DOK6: variants seen among roughly 807,000 people sequenced by gnomAD.
The protein encoded by DOK6 is docking protein 6, also known as downstream of tyrosine kinase 6.
In DOK6, 22 loss-of-function variants were observed where a neutral mutation model predicts 44.0. The observed-to-expected ratio is 0.50, with a 90% CI of 0.36 to 0.71. DOK6 has a LOEUF of 0.71. Ranked by LOEUF, DOK6 falls within the 30% of genes least tolerant of loss-of-function variation. The pLI, the probability that DOK6 is intolerant of heterozygous loss-of-function variation, is 0.00. For synonymous variants in DOK6, 166 were observed against 145.5 expected, an observed-to-expected ratio of 1.14 and a Z score of -1.01; for missense variants, 340 against 416.4, an observed-to-expected ratio of 0.82 and a Z score of 1.60.
intron 3 of DOK6, among the ~76,000 whole-genome samples, chr18:69,644,663 G>A (rs975594512): frequency 6.6e-6 from 1 of 152,158 alleles, no homozygotes; most frequent in Non-Finnish European, 1.5e-5. Context: ...CAGCTAAATT[G>A]TGAGTCTTTT....
chr18:69,404,629 A>G (rs1916164514), intron 1 of DOK6, among the ~76,000 whole-genome samples: 1 of 152,138 alleles, frequency 6.6e-6, no homozygotes, highest in Non-Finnish European at 1.5e-5. Flanking sequence ...TTTTTTTTCA[A>G]GGAATTCATT....
At chr18:69,795,159 T>C (rs1980708418) in intron 7 of DOK6, among the ~76,000 whole-genome samples, 1 of 152,108 alleles carries the variant, frequency 6.6e-6, no homozygotes, top group South Asian at 2.1e-4. Flanking sequence ...ATAGTTTCAT[T>C]TACAATAACT....
intron 1 of DOK6, among the ~76,000 whole-genome samples, chr18:69,436,618 A>G (rs1027698972): frequency 6.6e-6 from 1 of 152,168 alleles, no homozygotes; most frequent in Non-Finnish European, 1.5e-5. Flanking sequence ...TGCAATAAAC[A>G]TATGTATGCA....
chr18:69,463,876 G>A (rs1273558024), intron 1 of DOK6, among the ~76,000 whole-genome samples: 1 of 151,986 alleles, frequency 6.6e-6, no homozygotes, highest in South Asian at 2.1e-4. Flanking sequence ...TGTCTGTCAG[G>A]CTAATGCTTA....
intron 1 of DOK6, among the ~76,000 whole-genome samples, chr18:69,436,022 T>C (rs1978966438): frequency 6.6e-6 from 1 of 152,178 alleles, no homozygotes; most frequent in Non-Finnish European, 1.5e-5. Flanking sequence ...CTGAAGGTTT[T>C]TAATATTTAT....
intron 1 of DOK6, among the ~76,000 whole-genome samples, chr18:69,495,509 A>C (rs576263535): frequency 6.6e-6 from 1 of 152,242 alleles, no homozygotes; most frequent in African/African-American, 2.4e-5. Flanking sequence ...GTGGCTGCTC[A>C]GCTCTGGCTG....
At chr18:69,459,727 A>C (rs1296975844) in intron 1 of DOK6, among the ~76,000 whole-genome samples, 1 of 152,220 alleles carries the variant, frequency 6.6e-6, no homozygotes, top group Non-Finnish European at 1.5e-5. Context: ...ATAATATTTC[A>C]TAATTCTCAT....
At chr18:69,481,567 G>T (rs1980422713) in intron 1 of DOK6, among the ~76,000 whole-genome samples, 1 of 152,050 alleles carries the variant, frequency 6.6e-6, no homozygotes, top group African/African-American at 2.4e-5. Context: ...CTTTTTTATG[G>T]CTGCATAGTA....
chr18:69,439,444 T>C (rs1979076667), intron 1 of DOK6, among the ~76,000 whole-genome samples: 1 of 152,236 alleles, frequency 6.6e-6, no homozygotes, highest in Non-Finnish European at 1.5e-5. Context: ...GATATGAAAG[T>C]CCTGAATGGC....
At chr18:69,773,950 A>T (rs1477797446) in intron 7 of DOK6, among the ~76,000 whole-genome samples, 1 of 151,236 alleles carries the variant, frequency 6.6e-6, no homozygotes, top group Non-Finnish European at 1.5e-5. Context: ...ATACAAAAAA[A>T]AGATACTTGC....
rs548625524 is a variant in DOK6 at position 69,635,660 on chromosome 18, A to G, written c.289+36162A>G. ...ACTCTAGGCATGTGGTAGCATCACA[A>G]TTACCAACACTTCCTCTTGTGGTTA... On this transcript the variant is annotated intron_variant, in intron 3 of 7. Coordinates refer to ENST00000382713, the MANE Select transcript of DOK6 (RefSeq NM_152721.6). 4.0e-5 allele frequency among the ~76,000 whole-genome samples: 6 copies of G among 151,344 alleles called. No individual in the cohort carries two copies. The South Asian group carries it at 8.5e-4, about 21-fold the overall frequency.
In DOK6 at chr18:69,643,695, A is replaced by G. The variant is rs181407384; in HGVS notation, c.290-34039A>G. 7.9e-5 allele frequency: 12 copies of G among 152,314 alleles called. No individual in the cohort carries two copies. In the East Asian group the frequency reaches 2.3e-3, roughly 29 times the overall value. The allele number at this position is 152,314 out of a possible 1,614,324, so 9.4% of individuals were successfully genotyped here. A position where few individuals can be genotyped will look rare whatever the true frequency, so the allele number is the denominator to read the frequency against. On this transcript the variant is annotated intron_variant, in intron 3 of 7. Coordinates refer to ENST00000382713, the MANE Select transcript of DOK6 (RefSeq NM_152721.6). ...TGGGGCCATTTGGGAGCCTTTAGAA[A>G]TAAAACTGCTATAGATATTCATGTG...
chr18:69,403,332 A>G (rs1001042765), intron 1 of DOK6, among the ~76,000 whole-genome samples: 9 of 152,210 alleles, frequency 5.9e-5, no homozygotes, highest in Non-Finnish European at 1.2e-4. Flanking sequence ...ATAGGGCCCA[A>G]GGAAAGTGCA....
At chr18:69,678,904 G>A (rs563926590) in intron 4 of DOK6, among the ~76,000 whole-genome samples, 3 of 152,158 alleles carry the variant, frequency 2.0e-5, no homozygotes, top group Non-Finnish European at 4.4e-5. Flanking sequence ...TGGGCCAGGC[G>A]TGGTGGCTCA....
chr18:69,420,409 T>C (rs1978457307), intron 1 of DOK6, among the ~76,000 whole-genome samples: 1 of 152,138 alleles, frequency 6.6e-6, no homozygotes, highest in African/African-American at 2.4e-5. Context: ...TCTTACTGTT[T>C]TTTACACACA....
intron 1 of DOK6, among the ~76,000 whole-genome samples, chr18:69,426,404 G>A (rs1253966107): frequency 6.6e-6 from 1 of 152,104 alleles, no homozygotes; most frequent in African/African-American, 2.4e-5. Flanking sequence ...AATTAGAAAC[G>A]TAATTATATA....
chr18:69,779,715 T>C (rs1980196714), intron 7 of DOK6, among the ~76,000 whole-genome samples: 1 of 151,086 alleles, frequency 6.6e-6, no homozygotes, highest in African/African-American at 2.4e-5. Flanking sequence ...TGTGTGTGTG[T>C]GTGTGCATGT....
intron 4 of DOK6, among the ~76,000 whole-genome samples, chr18:69,692,968 G>A (rs1378480703): frequency 1.3e-5 from 2 of 152,080 alleles, no homozygotes; most frequent in Non-Finnish European, 2.9e-5. Context: ...TTTTACACAA[G>A]GAATTGTTTA....
At chr18:69,831,361 G>T (rs974782943) in intron 7 of DOK6, among the ~76,000 whole-genome samples, 8 of 152,144 alleles carry the variant, frequency 5.3e-5, no homozygotes, top group African/African-American at 1.9e-4. Flanking sequence ...ATGCTAACCT[G>T]CCCTCAAATA....
Sources: allele counts gnomAD v4.1 joint callset (sites outside exome capture counted in the v4.1 genomes callset), GRCh38; gene constraint gnomAD v4.1.1; transcripts MANE v1.5; gene names NCBI Gene and HGNC (gene_info 2026-07-23, HGNC 2026-07-21).